The following PAPPA variants were observed in gnomAD, a reference collection of about 807,000 sequenced individuals.
PAPPA encodes the protein pappalysin 1.
Under a neutral mutation model 164.0 loss-of-function variants are expected in PAPPA, and 60 were observed. The ratio of observed to expected loss-of-function variants is 0.37; its 90% CI spans 0.30 to 0.45. The LOEUF (loss-of-function observed/expected upper bound fraction) is 0.45, where lower values mean the gene tolerates loss of function less well. PAPPA is among the 20% of genes least tolerant of loss of function. The pLI, the probability that PAPPA is intolerant of heterozygous loss-of-function variation, is 1.00. For missense variants in PAPPA, 1,782 were observed against 2,087.3 expected (o/e 0.85, Z 2.85); for synonymous variants, 875 against 814.1 (o/e 1.07, Z -1.27).
intron 1 of PAPPA, among the ~76,000 whole-genome samples, chr9:116,172,330 A>G (rs1843783909): frequency 6.6e-6 from 1 of 152,176 alleles, no homozygotes. Flanking sequence ...CTCCCTAAGC[A>G]TTGTTTACTA....
rs370330038 is a variant in PAPPA at position 116,206,539 on chromosome 9, A to G, written c.1479-917A>G. On this transcript the variant is annotated intron_variant, in intron 2 of 21. Transcript: ENST00000328252. The stretch of plus-strand genomic sequence containing the variant: ...ACTCTTACTTTCCCTAATTTAATTC[A>G]ATTCCATCAAAATCTACTGAGGGCT... Among the ~76,000 whole-genome samples the G allele has an allele frequency of 5.9e-5, 9 of 152,312 alleles. 1 individual carries two copies. Among genetic ancestry groups the G allele is most frequent in the African/African-American group, 2.2e-4 (9 of 41,576 alleles).
At chr9:116,334,081 C>T (rs1185599973) in intron 12 of PAPPA, among the ~76,000 whole-genome samples, 1 of 152,028 alleles carries the variant, frequency 6.6e-6, no homozygotes, top group Non-Finnish European at 1.5e-5. Context: ...GAAGGGGCTA[C>T]ACCAGCATTT....
At chr9:116,277,368 T>C (rs1845211933) in intron 9 of PAPPA, among the ~76,000 whole-genome samples, 1 of 151,986 alleles carries the variant, frequency 6.6e-6, no homozygotes, top group African/African-American at 2.4e-5. Context: ...GTGGTAGTGA[T>C]TAAGGTGACG....
At chr9:116,359,398 G>A (rs1409171588) in intron 17 of PAPPA, among the ~76,000 whole-genome samples, 2 of 152,120 alleles carry the variant, frequency 1.3e-5, no homozygotes, top group African/African-American at 2.4e-5. Context: ...GCACAGAGAG[G>A]CAAACTGTTT....
intron 6 of PAPPA, among the ~76,000 whole-genome samples, chr9:116,228,325 T>C (rs1049675207): frequency 2.0e-5 from 3 of 152,092 alleles, no homozygotes; most frequent in Non-Finnish European, 4.4e-5. Flanking sequence ...GATGTACACA[T>C]AGACCCTGCC....
intron 1 of PAPPA, among the ~76,000 whole-genome samples, chr9:116,174,450 A>G (rs528118228): frequency 2.6e-5 from 4 of 152,248 alleles, no homozygotes; most frequent in Non-Finnish European, 5.9e-5. Context: ...TGCATCAGGT[A>G]TGAAATTTAC....
At chr9:116,238,899 C>A (rs937642689) in intron 7 of PAPPA, among the ~76,000 whole-genome samples, 3 of 152,106 alleles carry the variant, frequency 2.0e-5, no homozygotes, top group Non-Finnish European at 2.9e-5. Context: ...ACCACAAATA[C>A]CTCTTTGTGT....
At chr9:116,190,271 C>T (rs80325519) in intron 2 of PAPPA, among the ~76,000 whole-genome samples, 232 of 152,200 alleles carry the variant, frequency 1.5e-3, no homozygotes, top group Admixed American at 2.6e-3. Context: ...TGAGAGTGGG[C>T]GTGGGGTAGG....
At chr9:116,382,334 GC>G in intron 20 of PAPPA, 60 bp from the exon 21 acceptor site, 1 of 1,021,582 alleles carries the variant, frequency 9.8e-7, no homozygotes, top group South Asian at 1.3e-5. Context: ...GCAGACGTCA[GC>G]TCCCACTCAC....
chr9:116,372,444 A>G (rs1846587818), intron 19 of PAPPA, among the ~76,000 whole-genome samples: 1 of 152,160 alleles, frequency 6.6e-6, no homozygotes, highest in Non-Finnish European at 1.5e-5. Context: ...TTGTATGCCA[A>G]ACAAAACATT....
intron 1 of PAPPA, among the ~76,000 whole-genome samples, chr9:116,165,778 G>A (rs1471936296): frequency 6.6e-6 from 1 of 152,142 alleles, no homozygotes; most frequent in Non-Finnish European, 1.5e-5. Context: ...GAATGTTTAT[G>A]CCTTCCCAGG....
intron 2 of PAPPA, among the ~76,000 whole-genome samples, chr9:116,191,332 A>G (rs1844040185): frequency 6.6e-6 from 1 of 152,226 alleles, no homozygotes; most frequent in Non-Finnish European, 1.5e-5. Flanking sequence ...ATAACCATGC[A>G]TAATGAGGCC....
chr9:116,214,699 C>G (rs1844349530), intron 4 of PAPPA, among the ~76,000 whole-genome samples: 1 of 152,110 alleles, frequency 6.6e-6, no homozygotes, highest in South Asian at 2.1e-4. Flanking sequence ...GTAGCAGACC[C>G]AGTTCCACTT....
intron 7 of PAPPA, among the ~76,000 whole-genome samples, chr9:116,249,591 C>T (rs551317614): frequency 6.6e-6 from 1 of 151,904 alleles, no homozygotes; most frequent in Non-Finnish European, 1.5e-5. Flanking sequence ...AAATGGTAAA[C>T]GAGGAAAAGC....
chr9:116,263,852 C>G (rs1845032579), intron 7 of PAPPA, among the ~76,000 whole-genome samples: 1 of 152,116 alleles, frequency 6.6e-6, no homozygotes, highest in Non-Finnish European at 1.5e-5. Context: ...AGCCAACCAC[C>G]TTAAATATCA....
At position 116,344,681 on chromosome 9, in the gene PAPPA, A is replaced by T; in HGVS notation, c.3750A>T (p.Ile1250=). ...VSCRTGYVLQ[I]RRDDELIKSQ... ...GCCGGACAGGCTACGTGCTCCAGAT[A>T]CGGCGGGATGATGAGCTGATCAAGA... The change falls in exon 14 of 22, where the codon ATA becomes ATT. Residue 1250 remains isoleucine, a synonymous_variant. Coordinates refer to ENST00000328252, the MANE Select transcript of PAPPA (RefSeq NM_002581.5). 1 of 1,614,104 alleles carries T rather than the reference A, an allele frequency of 6.2e-7. No individual in the cohort carries two copies. Among genetic ancestry groups the T allele is most frequent in the Non-Finnish European group, 8.5e-7 (1 of 1,179,944 alleles).
intron 7 of PAPPA, among the ~76,000 whole-genome samples, chr9:116,250,666 T>G (rs745798552): frequency 4.5e-4 from 68 of 152,238 alleles, no homozygotes; most frequent in Non-Finnish European, 2.2e-4. Flanking sequence ...GGAATTAGAC[T>G]GAAAAACTCT....
chr9:116,387,843 G>C (rs1392244700), intron 21 of PAPPA, among the ~76,000 whole-genome samples: 1 of 152,226 alleles, frequency 6.6e-6, no homozygotes, highest in Non-Finnish European at 1.5e-5. Flanking sequence ...GCAGGCTTGT[G>C]TCTTGCCCAA....
At chr9:116,199,257 G>A (rs1374060340) in intron 2 of PAPPA, among the ~76,000 whole-genome samples, 1 of 152,190 alleles carries the variant, frequency 6.6e-6, no homozygotes, top group Non-Finnish European at 1.5e-5. Context: ...CCTTCCAAGA[G>A]ACTCAGCAAA....
Sources: gnomAD v4.1 joint callset for allele counts (sites outside exome capture counted in the v4.1 genomes callset) on GRCh38, gnomAD v4.1.1 for gene constraint, MANE v1.5 for transcripts, NCBI Gene and HGNC (gene_info 2026-07-23, HGNC 2026-07-21) for gene names.